CTNNA3: variants seen among roughly 807,000 people sequenced by gnomAD.
CTNNA3 encodes catenin alpha 3.
Under a neutral mutation model 95.7 loss-of-function variants are expected in CTNNA3, and 76 were observed. That is an observed-to-expected ratio of 0.79 (90% confidence interval 0.66 to 0.96). CTNNA3 has a LOEUF of 0.96. Ranked by LOEUF, CTNNA3 falls within the 40% of genes least tolerant of loss-of-function variation. CTNNA3 has a pLI of 0.00. For synonymous variants in CTNNA3, 431 were observed against 374.4 expected, an observed-to-expected ratio of 1.15 and a Z score of -1.74; for missense variants, 1,191 against 1,089.8, an observed-to-expected ratio of 1.09 and a Z score of -1.31.
At chr10:67,609,473 T>C (rs1480392028) in intron 2 of CTNNA3, among the ~76,000 whole-genome samples, 3 of 152,028 alleles carry the variant, frequency 2.0e-5, no homozygotes, top group African/African-American at 7.3e-5. Flanking sequence ...TAAGAAGTTA[T>C]GGGGGAAATA....
intron 7 of CTNNA3, among the ~76,000 whole-genome samples, chr10:67,154,987 A>G (rs1366425938): frequency 6.6e-6 from 1 of 152,108 alleles, no homozygotes; most frequent in East Asian, 1.9e-4. Context: ...GAGGTTTTCT[A>G]CATCACCTCT....
At chr10:67,001,083 AT>A (rs1168179972) in intron 7 of CTNNA3, among the ~76,000 whole-genome samples, 2 of 151,894 alleles carry the variant, frequency 1.3e-5, no homozygotes, top group East Asian at 3.9e-4. Context: ...TGGGTGGATC[AT>A]GAGGTCAGGA....
At chr10:66,731,616 C>A (rs991849108) in intron 9 of CTNNA3, among the ~76,000 whole-genome samples, 5 of 152,084 alleles carry the variant, frequency 3.3e-5, no homozygotes, top group African/African-American at 1.2e-4. Flanking sequence ...ATTGAGAAAA[C>A]ATTTTGATGA....
chr10:66,799,015 G>A (rs1841323496), intron 7 of CTNNA3, among the ~76,000 whole-genome samples: 3 of 151,598 alleles, frequency 2.0e-5, no homozygotes, highest in Admixed American at 1.3e-4. Context: ...TTCTTTGCAT[G>A]TAGAGTAAAA....
chr10:67,759,142 G>A (rs1055671543), intron 1 of CTNNA3, among the ~76,000 whole-genome samples: 3 of 152,184 alleles, frequency 2.0e-5, no homozygotes, highest in African/African-American at 7.2e-5. Context: ...CATTTGCAAT[G>A]CAGCAATTCC....
intron 7 of CTNNA3, among the ~76,000 whole-genome samples, chr10:66,943,131 T>TA (rs1312737376): frequency 6.6e-6 from 1 of 152,208 alleles, no homozygotes; most frequent in Non-Finnish European, 1.5e-5. Context: ...ACAAATTTGA[T>TA]ACATGTCCTT....
At chr10:67,683,884 T>A (rs1840676377) in intron 1 of CTNNA3, among the ~76,000 whole-genome samples, 1 of 152,146 alleles carries the variant, frequency 6.6e-6, no homozygotes, top group South Asian at 2.1e-4. Context: ...AGTGGTTTGT[T>A]CCTCCCGATG....
chr10:67,708,689 T>C (rs752994464), intron 1 of CTNNA3, among the ~76,000 whole-genome samples: 6 of 152,126 alleles, frequency 3.9e-5, no homozygotes, highest in East Asian at 1.9e-4. Flanking sequence ...TTTCTGTTTG[T>C]GCAAATGTAA....
At chr10:66,114,448 ATGTATATATG>A (rs149973320) in intron 13 of CTNNA3, among the ~76,000 whole-genome samples, 15,234 of 151,308 alleles carry the variant, frequency 0.1, 967 homozygotes, top group African/African-American at 0.18. Context: ...ATGTGTATAT[ATGTATATATG>A]TGTATATATG....
At chr10:66,011,991 A>G (rs992201761) in intron 15 of CTNNA3, among the ~76,000 whole-genome samples, 7 of 152,206 alleles carry the variant, frequency 4.6e-5, no homozygotes, top group Non-Finnish European at 2.9e-5. Flanking sequence ...ACCCCAGTGG[A>G]AAGACCATTT....
intron 13 of CTNNA3, among the ~76,000 whole-genome samples, chr10:66,212,653 A>G (rs190223953): frequency 1.8e-4 from 28 of 152,310 alleles, no homozygotes; most frequent in Non-Finnish European, 2.9e-4. Context: ...ATGTATTAAT[A>G]TCATTTCAGT....
chr10:67,581,793 T>C (rs1304984771), intron 3 of CTNNA3, among the ~76,000 whole-genome samples: 1 of 152,196 alleles, frequency 6.6e-6, no homozygotes, highest in Non-Finnish European at 1.5e-5. Flanking sequence ...CTTGGGAAGG[T>C]GTATGTGTCC....
At chr10:65,950,830 A>T (rs542548701) in intron 17 of CTNNA3, among the ~76,000 whole-genome samples, 1 of 152,198 alleles carries the variant, frequency 6.6e-6, no homozygotes, top group African/African-American at 2.4e-5. Context: ...AGACTCTCAC[A>T]TCACATCTAT....
intron 7 of CTNNA3, among the ~76,000 whole-genome samples, chr10:66,867,113 A>C (rs1245769896): frequency 2.0e-5 from 3 of 150,338 alleles, no homozygotes; most frequent in Non-Finnish European, 4.4e-5. Context: ...CTGTGGGTCC[A>C]TTAAACATCT....
At chr10:66,476,051 C>T (rs1274545160) in intron 11 of CTNNA3, among the ~76,000 whole-genome samples, 2 of 151,980 alleles carry the variant, frequency 1.3e-5, no homozygotes, top group African/African-American at 4.8e-5. Flanking sequence ...AATGAGCTAA[C>T]ATCCTTTGCT....
At chr10:66,236,460 T>G (rs1367355413) in intron 13 of CTNNA3, among the ~76,000 whole-genome samples, 1 of 152,178 alleles carries the variant, frequency 6.6e-6, no homozygotes, top group African/African-American at 2.4e-5. Flanking sequence ...TAAGATATTT[T>G]GGTAGGTTTC....
intron 13 of CTNNA3, among the ~76,000 whole-genome samples, chr10:66,170,603 T>C (rs12766720): frequency 0.074 from 11,238 of 151,300 alleles, 517 homozygotes; most frequent in Admixed American, 0.12. Context: ...GGCAAAGAAA[T>C]GAATATCACA....
intron 17 of CTNNA3, among the ~76,000 whole-genome samples, chr10:65,963,425 C>T (rs1182928787): frequency 1.3e-5 from 2 of 152,296 alleles, no homozygotes; most frequent in East Asian, 3.9e-4. Flanking sequence ...TACAAGTACA[C>T]ATTTGTTTTC....
At chr10:66,084,139 AAAAAAAAAG>A (rs982033798) in intron 14 of CTNNA3, among the ~76,000 whole-genome samples, 6 of 129,592 alleles carry the variant, frequency 4.6e-5, no homozygotes, top group Non-Finnish European at 7.1e-5. Flanking sequence ...TCATCTCAAA[AAAAAAAAAG>A]AAAAAAAAAG....
Sources: gnomAD v4.1 joint callset for allele counts (sites outside exome capture counted in the v4.1 genomes callset) on GRCh38, gnomAD v4.1.1 for gene constraint, MANE v1.5 for transcripts, NCBI Gene and HGNC (gene_info 2026-07-23, HGNC 2026-07-21) for gene names.